The following DEAF1 variants were observed in gnomAD, a reference collection of about 807,000 sequenced individuals.
DEAF1 encodes the protein DEAF1 transcription factor.
A neutral mutation model predicts 58.9 loss-of-function variants in DEAF1; 53 were observed. The ratio of observed to expected loss-of-function variants is 0.90; its 90% CI spans 0.72 to 1.13. The LOEUF is 1.13. Ranked by LOEUF, DEAF1 falls within the 50% of genes most tolerant of loss-of-function variation. The pLI is 0.00. For synonymous variants in DEAF1, 385 were observed against 340.4 expected (o/e 1.13, Z -1.44); for missense variants, 685 against 791.4 (o/e 0.87, Z 1.61).
chr11:695,766 C>T (rs1200629999), upstream of DEAF1: 1 of 1,238,200 alleles, frequency 8.1e-7, no homozygotes, highest in Non-Finnish European at 1.0e-6. Flanking sequence ...GCCGAAGGAG[C>T]GCGAGCGCGC....
chr11:675,124 G>T (rs1288993978), intron 9 of DEAF1, among the ~76,000 whole-genome samples: 1 of 152,008 alleles, frequency 6.6e-6, no homozygotes, highest in Non-Finnish European at 1.5e-5. Context: ...GGCAGAGCTT[G>T]CAGTGAACAG....
At chr11:698,256 A>AG (rs755384218), upstream of DEAF1, among the ~76,000 whole-genome samples, 1 of 151,200 alleles carries the variant, frequency 6.6e-6, no homozygotes, top group Non-Finnish European at 1.5e-5. Flanking sequence ...AGAATCAAAA[A>AG]GGAGGAAAGA....
At chr11:674,176 T>C (rs1333740061) in intron 10 of DEAF1, 2 of 337,352 alleles carry the variant, frequency 5.9e-6, no homozygotes, top group African/African-American at 4.3e-5. Context: ...ACTCAGAGAC[T>C]CAATAGATGA....
chr11:679,946 C>T (rs185232695), intron 7 of DEAF1, 130 bp from the exon 8 acceptor site: 87 of 1,291,768 alleles, frequency 6.7e-5, no homozygotes, highest in Non-Finnish European at 9.0e-5. Context: ...ACTGTACCCT[C>T]CCATGTGAAG....
chr11:651,359 G>A (rs1489182698), intron 11 of DEAF1: 11 of 319,564 alleles, frequency 3.4e-5, no homozygotes, highest in African/African-American at 2.1e-4. Flanking sequence ...AGGATCGCCC[G>A]AAGCCAGGAG....
intron 1 of DEAF1, among the ~76,000 whole-genome samples, chr11:701,961 T>C (rs1861518063): frequency 6.6e-6 from 1 of 152,174 alleles, no homozygotes; most frequent in Non-Finnish European, 1.5e-5. Context: ...GGTCGTAACA[T>C]GTGCACCTAA....
At chr11:667,274 A>G (rs1311700308) in intron 10 of DEAF1, among the ~76,000 whole-genome samples, 2 of 151,784 alleles carry the variant, frequency 1.3e-5, no homozygotes, top group Non-Finnish European at 2.9e-5. Context: ...AGATGTGACC[A>G]CAACACTGCT....
At chr11:653,083 C>CAAA (rs71022946) in intron 11 of DEAF1, among the ~76,000 whole-genome samples, 15 of 62,272 alleles carry the variant, frequency 2.4e-4, no homozygotes, top group African/African-American at 5.7e-4. Context: ...GACTCTGTCT[C>CAAA]AAAAAAAAAA....
intron 7 of DEAF1, 82 bp from the exon 8 acceptor site, chr11:679,898 T>C (rs1860269345): frequency 1.3e-6 from 2 of 1,586,686 alleles, no homozygotes; most frequent in East Asian, 2.3e-5. Context: ...CGGGCGCCAA[T>C]CCTTGTGGGG....
At chr11:678,913 C>T in intron 8 of DEAF1, 91 bp from the exon 9 acceptor site, 1 of 1,541,610 alleles carries the variant, frequency 6.5e-7, no homozygotes, top group Non-Finnish European at 8.8e-7. Context: ...CCATTCAGTA[C>T]ACATAGTAGC....
upstream of DEAF1, chr11:699,822 C>T (rs1861362113): frequency 6.7e-6 from 2 of 300,514 alleles, no homozygotes; most frequent in Middle Eastern, 9.8e-4. Context: ...GGCAGGGTGA[C>T]ATCACTGGGG....
intron 6 of DEAF1, 22 bp from the exon 7 acceptor site, chr11:681,111 C>T (rs1860343081): frequency 1.2e-6 from 2 of 1,613,418 alleles, no homozygotes; most frequent in Non-Finnish European, 8.5e-7. Context: ...AGGAGAGAGG[C>T]CACCACCTTC....
chr11:698,922 C>T, upstream of DEAF1: 1 of 1,613,838 alleles, frequency 6.2e-7, no homozygotes, highest in Non-Finnish European at 8.5e-7. Context: ...GGACAGCACC[C>T]AGAGGCCCGA....
Position 689,294 on chromosome 11 carries a change from C to T in DEAF1, c.388-834G>A, listed in dbSNP as rs570641566. Among the ~76,000 whole-genome samples the T allele has an allele frequency of 2.2e-4, 33 of 149,506 alleles. 1 individual carries two copies. In the South Asian group the frequency reaches 6.5e-3, roughly 30 times the overall value. ...CATCTCGGCTCACTGCAAGCTCCGC[C>T]TCCCGGGTTCACGCTATTGTCCTGC... On this transcript the variant is annotated intron_variant, in intron 2 of 11. Coordinates refer to ENST00000382409, the MANE Select transcript of DEAF1 (RefSeq NM_021008.4).
At position 653,367 on chromosome 11, in the gene DEAF1, GCTCT is replaced by G. The variant is rs1267904359; in HGVS notation, c.1593+591_1593+594del. Among the ~76,000 whole-genome samples the G allele has an allele frequency of 2.7e-5, 3 of 110,740 alleles. No homozygotes were observed. The Admixed American group carries it at 3.0e-4, about 11-fold the overall frequency. 72.6% of individuals were successfully genotyped at this position (110,740 alleles called of 152,430 possible). On this transcript the variant is annotated intron_variant, in intron 11 of 11. Coordinates refer to ENST00000382409, the MANE Select transcript of DEAF1 (RefSeq NM_021008.4). ...GCTCAATAATAGAGGAACTGTGGAC[GCTCT>G]CTCTCGCGTGGCTCTGCAGGGGTGT...
rs1319038934 is a variant in DEAF1, at chr11:654,054, G to C, written c.1504-3C>G. ...CGGCCGCAGTTAACGCAGGACTGCT[G>C]CAAGAAGGACACAACAGGCCAGTCA... On this transcript the variant is annotated splice_polypyrimidine_tract_variant and splice_region_variant and intron_variant, in intron 10 of 11. Transcript: ENST00000382409. The C allele has an allele frequency of 1.9e-6, 3 of 1,612,676 alleles. No homozygotes were observed. The highest frequency in any genetic ancestry group is 2.5e-6 in the Non-Finnish European group (3 of 1,179,718).
intron 10 of DEAF1, among the ~76,000 whole-genome samples, chr11:654,420 CT>C (rs1417354872): frequency 1.3e-5 from 2 of 151,120 alleles, no homozygotes; most frequent in African/African-American, 4.9e-5. Flanking sequence ...CTGCCTCGGC[CT>C]CCCAAAGTGC....
At chr11:705,762 A>ACCTCCCCAGGGCTGGAGC (rs965513330) in intron 1 of DEAF1, among the ~76,000 whole-genome samples, 14 of 150,834 alleles carry the variant, frequency 9.3e-5, no homozygotes, top group Admixed American at 1.3e-4. Flanking sequence ...GGAGGCTCTG[A>ACCTCCCCAGGGCTGGAGC]CCTCCCCAGG....
At position 688,895 on chromosome 11, in the gene DEAF1, T is replaced by C. The variant is rs1353452270; in HGVS notation, c.388-435A>G. 6.6e-6 allele frequency among the ~76,000 whole-genome samples: 1 copy of C among 152,140 alleles called. No individual in the cohort carries two copies. The highest frequency in any genetic ancestry group is 2.4e-5 in the African/African-American group (1 of 41,436). ...TGGAGACCAGGGCCTCAAAACCACATTTCCACACTGGCTGAAGCTGCTGCA... is the reference window on the plus strand; with the variant it reads ...TGGAGACCAGGGCCTCAAAACCACACTTCCACACTGGCTGAAGCTGCTGCA... On this transcript the variant is annotated intron_variant, in intron 2 of 11. Coordinates refer to ENST00000382409, the MANE Select transcript of DEAF1 (RefSeq NM_021008.4). The surrounding 1 kb of genome is among the most constrained non-coding windows in gnomAD (Gnocchi z 4.3).
Sources: allele counts gnomAD v4.1 joint callset (sites outside exome capture counted in the v4.1 genomes callset), GRCh38; gene constraint gnomAD v4.1.1; non-coding constraint Gnocchi (gnomAD v3.1); transcripts MANE v1.5; gene names NCBI Gene and HGNC (gene_info 2026-07-23, HGNC 2026-07-21).